MAPK10: variants seen among roughly 807,000 people sequenced by gnomAD.
MAPK10 encodes the protein JNK3 alpha protein kinase.
MAPK10 carries 25 observed loss-of-function variants against 59.3 expected under a neutral mutation model. The ratio of observed to expected loss-of-function variants is 0.42; its 90% CI spans 0.31 to 0.59. MAPK10 has a LOEUF of 0.59. MAPK10 is among the 20% of genes least tolerant of loss of function. MAPK10 has a pLI of 0.15. For synonymous variants in MAPK10, 190 were observed against 200.5 expected (o/e 0.95, Z 0.44); for missense variants, 351 against 568.9 (o/e 0.62, Z 3.90).
chr4:86,532,958 A>G (rs1222897676), intron 1 of MAPK10, among the ~76,000 whole-genome samples: 2 of 151,952 alleles, frequency 1.3e-5, no homozygotes, highest in Non-Finnish European at 2.9e-5. Context: ...ACCTCTACTA[A>G]TGACTTTGCA....
intron 9 of MAPK10, chr4:86,089,379 T>A: frequency 1.3e-6 from 1 of 751,402 alleles, no homozygotes; most frequent in Non-Finnish European, 2.3e-6. Context: ...TAGTCTGACT[T>A]TTCACTGACT....
intron 1 of MAPK10, among the ~76,000 whole-genome samples, chr4:86,378,734 A>T (rs1203529752): frequency 6.6e-6 from 1 of 152,212 alleles, no homozygotes; most frequent in Non-Finnish European, 1.5e-5. Flanking sequence ...GTTATCTGGT[A>T]CTGCTTTTGT....
chr4:86,234,488 C>T (rs1312292362), intron 2 of MAPK10, among the ~76,000 whole-genome samples: 1 of 151,988 alleles, frequency 6.6e-6, no homozygotes, highest in Non-Finnish European at 1.5e-5. Flanking sequence ...TTCTTACTAT[C>T]ATATCTCAGG....
At chr4:86,018,360 A>AC (rs1744440750) in intron 13 of MAPK10, among the ~76,000 whole-genome samples, 1 of 152,140 alleles carries the variant, frequency 6.6e-6, no homozygotes, top group African/African-American at 2.4e-5. Context: ...AGTTACAAAA[A>AC]AAAAAAAAAT....
At chr4:86,365,239 C>T (rs1578918296) in intron 1 of MAPK10, among the ~76,000 whole-genome samples, 3 of 152,002 alleles carry the variant, frequency 2.0e-5, no homozygotes, top group South Asian at 4.2e-4. Flanking sequence ...TGAGACCAGC[C>T]TGGCCAACAT....
At chr4:86,305,233 A>T (rs2095545905) in intron 2 of MAPK10, among the ~76,000 whole-genome samples, 1 of 152,208 alleles carries the variant, frequency 6.6e-6, no homozygotes, top group African/African-American at 2.4e-5. Flanking sequence ...AATACATATA[A>T]CTTGTGTTAT....
intron 2 of MAPK10, chr4:86,335,180 A>G (rs13138286): frequency 0.72 from 110,211 of 152,026 alleles, 40,658 homozygotes; most frequent in South Asian, 0.9. Flanking sequence ...AAGGTAATCT[A>G]TCAAATAGCT....
chr4:86,164,229 T>C (rs2149241732), intron 3 of MAPK10, among the ~76,000 whole-genome samples: 1 of 152,294 alleles, frequency 6.6e-6, no homozygotes, highest in Non-Finnish European at 1.5e-5. Context: ...TCTGTATGGT[T>C]CCATAAAGGA....
intron 4 of MAPK10, among the ~76,000 whole-genome samples, chr4:86,136,972 C>G (rs954715521): frequency 1.9e-4 from 29 of 152,250 alleles, no homozygotes; most frequent in African/African-American, 6.7e-4. Flanking sequence ...ATCAATTCAA[C>G]AAGAAGAGCT....
chr4:86,186,967 T>C (rs2078390918), intron 3 of MAPK10, among the ~76,000 whole-genome samples: 1 of 152,174 alleles, frequency 6.6e-6, no homozygotes, highest in East Asian at 1.9e-4. Context: ...TTGTTTGTCA[T>C]TATTGTTGGT....
At chr4:86,537,166 T>C (rs935844035) in intron 1 of MAPK10, among the ~76,000 whole-genome samples, 1 of 152,116 alleles carries the variant, frequency 6.6e-6, no homozygotes, top group African/African-American at 2.4e-5. Flanking sequence ...GAAGTCTTTG[T>C]TGTGAGAGGT....
intron 2 of MAPK10, among the ~76,000 whole-genome samples, chr4:86,209,524 A>G (rs2085186170): frequency 6.6e-6 from 1 of 152,100 alleles, no homozygotes; most frequent in Admixed American, 6.6e-5. Flanking sequence ...ACAAAATTTA[A>G]AAACAGCAAA....
chr4:86,289,674 A>G lies in MAPK10; in HGVS notation c.-7+64856T>C, dbSNP rs144495719. The stretch of plus-strand genomic sequence containing the variant: ...GTATGTTATAATGCATTTTATAATT[A>G]TAATATATAATAGTGCTATATCTAT... On this transcript the variant is annotated intron_variant, in intron 2 of 13. Coordinates refer to ENST00000641462, the MANE Select transcript of MAPK10 (RefSeq NM_138982.4). Among the ~76,000 whole-genome samples the G allele has an allele frequency of 5.8e-3, 879 of 150,594 alleles. 8 individuals carry two copies. The highest frequency in any genetic ancestry group is 0.02 in the African/African-American group (827 of 41,250).
intron 2 of MAPK10, among the ~76,000 whole-genome samples, chr4:86,291,713 A>G (rs2095234175): frequency 6.6e-6 from 1 of 152,160 alleles, no homozygotes; most frequent in African/African-American, 2.4e-5. Flanking sequence ...TTTATATTGC[A>G]TTGGTATTTG....
At chr4:86,437,201 G>A (rs1490523075) in intron 1 of MAPK10, among the ~76,000 whole-genome samples, 2 of 140,508 alleles carry the variant, frequency 1.4e-5, no homozygotes, top group African/African-American at 5.4e-5. Context: ...GCGACAGAGT[G>A]AGACTCTGTC....
At chr4:86,027,789 C>A (rs2043649) in intron 13 of MAPK10, 37,457 of 151,992 alleles carry the variant, frequency 0.25, 5,968 homozygotes, top group African/African-American at 0.46. Context: ...ACAATCAATA[C>A]GGGATAATAA....
At chr4:86,528,383 A>G (rs1757631165) in intron 1 of MAPK10, among the ~76,000 whole-genome samples, 1 of 151,852 alleles carries the variant, frequency 6.6e-6, no homozygotes, top group Non-Finnish European at 1.5e-5. Flanking sequence ...GTTGAGGGAG[A>G]GGACCAGAAA....
intron 2 of MAPK10, among the ~76,000 whole-genome samples, chr4:86,287,933 G>A (rs766063053): frequency 6.6e-6 from 1 of 152,208 alleles, no homozygotes; most frequent in Non-Finnish European, 1.5e-5. Flanking sequence ...GAATTAAGAC[G>A]TTACCTAGAT....
chr4:86,346,898 G>A (rs1728567710), intron 2 of MAPK10, among the ~76,000 whole-genome samples: 1 of 151,732 alleles, frequency 6.6e-6, no homozygotes, highest in Admixed American at 6.6e-5. Flanking sequence ...GTACTCATGT[G>A]TGTGCACACA....
Sources: gnomAD v4.1 joint callset for allele counts (sites outside exome capture counted in the v4.1 genomes callset) on GRCh38, gnomAD v4.1.1 for gene constraint, MANE v1.5 for transcripts, NCBI Gene and HGNC (gene_info 2026-07-23, HGNC 2026-07-21) for gene names.